DSG1: variants seen among roughly 807,000 people sequenced by gnomAD.
DSG1 encodes desmoglein 1, also known as desmoglein-1.
DSG1 carries 39 observed loss-of-function variants against 97.5 expected under a neutral mutation model. The ratio of observed to expected loss-of-function variants is 0.40; its 90% CI spans 0.31 to 0.52. The LOEUF (loss-of-function observed/expected upper bound fraction) is 0.52. DSG1 is among the 20% of genes least tolerant of loss of function. The pLI, the probability that DSG1 is intolerant of heterozygous loss-of-function variation, is 0.53. For synonymous variants in DSG1, 475 were observed against 443.4 expected (o/e 1.07, Z -0.90); for missense variants, 1,311 against 1,295.4 (o/e 1.01, Z -0.18).
chr18:31,320,379 T>G (rs958861604), intron 1 of DSG1, among the ~76,000 whole-genome samples: 2 of 152,170 alleles, frequency 1.3e-5, no homozygotes, highest in Non-Finnish European at 1.5e-5. Flanking sequence ...TTTGTACAAT[T>G]GTTAAGGCCT....
At position 31,355,074 on chromosome 18, in the gene DSG1, G is replaced by A. The variant is rs749491944; in HGVS notation, c.2878G>A (p.Gly960Ser). The A allele has an allele frequency of 9.3e-6, 15 of 1,614,172 alleles. No individual in the cohort carries two copies. The Admixed American group carries it at 1.7e-4, about 18-fold the overall frequency. Residue 960 changes from glycine (G) to serine (S), a missense_variant, in exon 15 of 15, where the codon GGC (glycine) becomes AGC (serine). This residue lies in a region of DSG1 where 1,038 missense variants were observed against 964.6 expected (regional missense o/e 1.08). Coordinates refer to ENST00000257192, the MANE Select transcript of DSG1 (RefSeq NM_001942.4). ...GACAGAGAGGGTTGTTTCTGGTGCT[G>A]GCGTAACTGGAATTAGTGGCACCAC... The part of the protein sequence containing the change: ...IVTERVVSGA[G>S]VTGISGTTGI...
chr18:31,343,943 A>G lies in DSG1; in HGVS notation c.1839A>G (p.Ile613Met), dbSNP rs116081362. ...TCTTTTAGGATATAACCACTGTCAT[A>G]CCACAAATACCACCTGATAACGCAA... ...QPEPRDITTVIPQIPPDNANI... is the reference protein window; with the variant it reads ...QPEPRDITTVMPQIPPDNANI... The change falls in exon 13 of 15, where the codon ATA (isoleucine) becomes ATG (methionine). Residue 613 changes from isoleucine to methionine, a missense_variant. By Grantham distance (10) the Ile-to-Met change is conservative. This residue lies in a region of DSG1 where 1,038 missense variants were observed against 964.6 expected (regional missense o/e 1.08). Coordinates refer to ENST00000257192, the MANE Select transcript of DSG1 (RefSeq NM_001942.4). 5.1e-3 allele frequency: 8,239 copies of G among 1,612,990 alleles called. 376 individuals are homozygous for G. In the African/African-American group the frequency reaches 0.097, roughly 19 times the overall value.
rs2071971549 is a variant in DSG1, at chr18:31,357,745, G to C, written c.*2399G>C. Among the ~76,000 whole-genome samples the C allele has an allele frequency of 6.6e-6, 1 of 151,896 alleles. No individual in the cohort carries two copies. Among genetic ancestry groups the C allele is most frequent in the African/African-American group, 2.4e-5 (1 of 41,386 alleles). ...ATTGAGTCATCTATCTTTCTAGGAA[G>C]ATACTTTCTAACCAAACTTTTCTTC... On this transcript the variant is annotated 3_prime_UTR_variant, in exon 15 of 15. Transcript: ENST00000257192.
At position 31,357,416 on chromosome 18, in the gene DSG1, T is replaced by C. The variant is rs2071968854; in HGVS notation, c.*2070T>C. Among the ~76,000 whole-genome samples the C allele has an allele frequency of 6.6e-6, 1 of 151,660 alleles. No individual in the cohort carries two copies. The highest frequency in any genetic ancestry group is 2.1e-4 in the South Asian group (1 of 4,818). On this transcript the variant is annotated 3_prime_UTR_variant, in exon 15 of 15. Coordinates refer to ENST00000257192, the MANE Select transcript of DSG1 (RefSeq NM_001942.4). ...ACTTGAGTATGCCTGGGTCCAGGAG[T>C]TTTAAGGAATAGAAATAAGTATTAA...
chr18:31,335,650 TC>T (rs2071747464), intron 8 of DSG1, among the ~76,000 whole-genome samples: 1 of 151,750 alleles, frequency 6.6e-6, no homozygotes, highest in South Asian at 2.1e-4. Context: ...TGCGTGAAAT[TC>T]TATTTTTATC....
At chr18:31,343,796 T>A in intron 12 of DSG1, 130 bp from the exon 13 acceptor site, 1 of 1,153,822 alleles carries the variant, frequency 8.7e-7, no homozygotes, top group Non-Finnish European at 1.3e-6. Flanking sequence ...TAAATGGATT[T>A]CAGAATTTCC....
intron 14 of DSG1, among the ~76,000 whole-genome samples, chr18:31,353,630 G>A (rs925492857): frequency 6.6e-6 from 1 of 152,120 alleles, no homozygotes; most frequent in Admixed American, 6.6e-5. Flanking sequence ...AGACTCCGTG[G>A]GCGTAGGACC....
chr18:31,328,909 A>G (rs1053627213), intron 4 of DSG1, among the ~76,000 whole-genome samples: 13 of 152,236 alleles, frequency 8.5e-5, no homozygotes, highest in African/African-American at 2.9e-4. Flanking sequence ...ATCTCACTCC[A>G]TTCTTTACAG....
chr18:31,318,369 G>C (rs1474955594), intron 1 of DSG1, 21 bp downstream of exon 1: 1 of 1,605,794 alleles, frequency 6.2e-7, no homozygotes, highest in South Asian at 1.1e-5. Context: ...TCTGGTAAAA[G>C]TCCTTCATAA....
rs1237370698 is a variant in DSG1 at position 31,345,975 on chromosome 18, G to C, written c.1892-15G>C. The C allele has an allele frequency of 6.2e-7, 1 of 1,605,782 alleles. No homozygotes were observed. The highest frequency in any genetic ancestry group is 8.5e-7 in the Non-Finnish European group (1 of 1,173,548). On this transcript the variant is annotated splice_polypyrimidine_tract_variant and intron_variant, in intron 13 of 14. Transcript: ENST00000257192. ...AGACTAAAGAAAATAAATTTAATTT[G>C]ATCAACACTTTTAGGAGTTTATACA...
chr18:31,345,770 A>G (rs2071827876), intron 13 of DSG1, among the ~76,000 whole-genome samples: 1 of 152,198 alleles, frequency 6.6e-6, no homozygotes, highest in Non-Finnish European at 1.5e-5. Context: ...AGCAGAGAAT[A>G]TAGTAATCTC....
chr18:31,322,245 C>G (rs1396534438), intron 1 of DSG1, among the ~76,000 whole-genome samples: 1 of 152,210 alleles, frequency 6.6e-6, no homozygotes, highest in Admixed American at 6.5e-5. Context: ...GTGCCTTGCA[C>G]CAGTGCAAGA....
intron 1 of DSG1, among the ~76,000 whole-genome samples, chr18:31,319,027 G>A (rs185846166): frequency 8.5e-5 from 13 of 152,162 alleles, no homozygotes; most frequent in African/African-American, 2.4e-4. Context: ...TATTACACTC[G>A]ATCTTACTAC....
At chr18:31,321,724 A>C (rs2071655301) in intron 1 of DSG1, among the ~76,000 whole-genome samples, 1 of 152,190 alleles carries the variant, frequency 6.6e-6, no homozygotes, top group Admixed American at 6.5e-5. Context: ...TTAAATCTGA[A>C]AGGCTGACCC....
rs747673709 is a variant in DSG1 at position 31,326,952 on chromosome 18, G to T, written c.163G>T (p.Ala55Ser). The part of the protein sequence containing the change: ...RRQKREWIKF[A>S]AACREGEDNS... ...GCAGAAACGTGAATGGATCAAGTTCGCAGCAGCCTGTCGTGAAGGTGAAGA... is the reference window on the plus strand; with the variant it reads ...GCAGAAACGTGAATGGATCAAGTTCTCAGCAGCCTGTCGTGAAGGTGAAGA... The change falls in exon 3 of 15, where the codon GCA becomes TCA. Residue 55 changes from alanine (A) to serine (S), a missense_variant. Around this residue, in one of 3 missense-constraint regions of DSG1, gnomAD observed 259 missense variants for 304.1 expected, o/e 0.85. Coordinates refer to ENST00000257192, the MANE Select transcript of DSG1 (RefSeq NM_001942.4). The T allele has an allele frequency of 6.2e-7, 1 of 1,613,896 alleles. No homozygotes were observed. Among genetic ancestry groups the T allele is most frequent in the Non-Finnish European group, 8.5e-7 (1 of 1,179,888 alleles).
chr18:31,357,229 T>A lies in DSG1; in HGVS notation c.*1883T>A, dbSNP rs10502569. ...GCCACAGTATACATCTTCTTTTAACTCTGTAGAATATGTAAAATTTTGATA... is the reference window on the plus strand; with the variant it reads ...GCCACAGTATACATCTTCTTTTAACACTGTAGAATATGTAAAATTTTGATA... On this transcript the variant is annotated 3_prime_UTR_variant, in exon 15 of 15. Transcript: ENST00000257192. 6.6e-6 allele frequency among the ~76,000 whole-genome samples: 1 copy of A among 151,966 alleles called. No homozygotes were observed. Among genetic ancestry groups the A allele is most frequent in the African/African-American group, 2.4e-5 (1 of 41,380 alleles).
chr18:31,331,588 A>C, intron 5 of DSG1, 113 bp from the exon 6 acceptor site: 1 of 896,480 alleles, frequency 1.1e-6, no homozygotes, highest in Non-Finnish European at 1.8e-6. Flanking sequence ...GAAGACAGTG[A>C]AGTCCACATC....
At position 31,355,353 on chromosome 18, in the gene DSG1, C is replaced by A; in HGVS notation, c.*7C>A. The A allele has an allele frequency of 6.2e-7, 1 of 1,613,462 alleles. No individual in the cohort carries two copies. Among genetic ancestry groups the A allele is most frequent in the Non-Finnish European group, 8.5e-7 (1 of 1,179,536 alleles). Reference sequence around the variant, plus strand: ...CGTGCAATATAGCAAGTAGTCAGGACCCCAGCTCACTTTTTCATAGTCATT... The same window carrying A: ...CGTGCAATATAGCAAGTAGTCAGGAACCCAGCTCACTTTTTCATAGTCATT... On this transcript the variant is annotated 3_prime_UTR_variant, in exon 15 of 15. Transcript: ENST00000257192.
chr18:31,336,737 G>A (rs993317029), intron 9 of DSG1, 124 bp downstream of exon 9: 2 of 1,050,766 alleles, frequency 1.9e-6, no homozygotes, highest in Non-Finnish European at 2.8e-6. Flanking sequence ...TCATTTAATT[G>A]TAAAAAGTAC....
Sources: gnomAD v4.1 joint callset for allele counts (sites outside exome capture counted in the v4.1 genomes callset) on GRCh38, gnomAD v4.1.1 for gene constraint, gnomAD v4.1.1 regional missense constraint, MANE v1.5 for transcripts, NCBI Gene and HGNC (gene_info 2026-07-23, HGNC 2026-07-21) for gene names.